TACC2: variants seen among roughly 807,000 people sequenced by gnomAD.
TACC2 encodes the protein transforming acidic coiled-coil-containing protein 2.
In TACC2, 137 loss-of-function variants were observed where a neutral mutation model predicts 227.3. The ratio of observed to expected loss-of-function variants is 0.60; its 90% confidence interval spans 0.52 to 0.69. TACC2 has a LOEUF of 0.69. TACC2 is among the 30% of genes least tolerant of loss of function. The pLI, the probability that TACC2 is intolerant of heterozygous loss-of-function variation, is 0.00. For missense variants in TACC2, 3,470 were observed against 3,694.4 expected, an observed-to-expected ratio of 0.94 and a Z score of 1.57; for synonymous variants, 1,523 against 1,487.5, an observed-to-expected ratio of 1.02 and a Z score of -0.55.
In TACC2 at chr10:122,249,284, C is replaced by A. The variant is rs572336146; in HGVS notation, c.8660+128C>A. ...GGGGGCATCATCCAAGTGTGTGTTT[C>A]AATAAGACTCGAGAGAAGGCACACA... On this transcript the variant is annotated intron_variant, in intron 21 of 22. Coordinates refer to ENST00000369005, the MANE Select transcript of TACC2 (RefSeq NM_206862.4). The A allele has an allele frequency of 1.5e-5, 11 of 753,714 alleles. No homozygotes were observed. In the African/African-American group the frequency reaches 1.6e-4, roughly 11 times the overall value. 46.7% of individuals were successfully genotyped at this position (753,714 alleles called of 1,614,324 possible). A position where few individuals can be genotyped will look rare whatever the true frequency, so the allele number is the denominator to read the frequency against.
At chr10:122,229,273 C>T in intron 14 of TACC2, 73 bp from the exon 15 acceptor site, 2 of 1,574,918 alleles carry the variant, frequency 1.3e-6, no homozygotes, top group Non-Finnish European at 1.7e-6. Flanking sequence ...CTGCATGGCC[C>T]TTGCTTGGAA....
chr10:122,146,931 GT>G (rs1330390684), intron 7 of TACC2, among the ~76,000 whole-genome samples: 1 of 152,072 alleles, frequency 6.6e-6, no homozygotes, highest in Non-Finnish European at 1.5e-5. Context: ...AGGAGTTCTG[GT>G]TGGGTATTTA....
At position 122,216,619 on chromosome 10, in the gene TACC2, C is replaced by G. The variant is rs764589209; in HGVS notation, c.7345-8C>G. 1 of 1,612,274 alleles carries G rather than the reference C, an allele frequency of 6.2e-7. No homozygotes were observed. Among genetic ancestry groups the G allele is most frequent in the Non-Finnish European group, 8.5e-7 (1 of 1,179,130 alleles). On this transcript the variant is annotated splice_polypyrimidine_tract_variant and splice_region_variant and intron_variant, in intron 10 of 22. Transcript: ENST00000369005. ...TGAGACAAGAAACAGTTTCTCTTCT[C>G]TTTGCAGGACCCCACCCCAGCTGCT...
At chr10:122,008,418 G>A (rs1300696070) in intron 1 of TACC2, among the ~76,000 whole-genome samples, 7 of 149,492 alleles carry the variant, frequency 4.7e-5, no homozygotes, top group Non-Finnish European at 7.4e-5. Flanking sequence ...GTGCCACCAG[G>A]CCTGGCTAAT....
Position 122,039,554 on chromosome 10 carries a change from G to A in TACC2, c.34-10884G>A, listed in dbSNP as rs2073994747. Among the ~76,000 whole-genome samples, 4 of 152,182 alleles carry A rather than the reference G, an allele frequency of 2.6e-5. No homozygotes were observed. The South Asian group carries it at 8.3e-4, about 32-fold the overall frequency. ...GAGATGTGGGGTTGGGGGACAACAA[G>A]TGCCTGGGAGGACTGGGCCTTCAGG... On this transcript the variant is annotated intron_variant, in intron 2 of 22. Transcript: ENST00000369005.
chr10:122,151,411 T>A (rs1411083425), intron 7 of TACC2, among the ~76,000 whole-genome samples: 2 of 151,774 alleles, frequency 1.3e-5, no homozygotes, highest in African/African-American at 2.4e-5. Flanking sequence ...GTGCCAAAGC[T>A]TGGGGTGTGG....
intron 3 of TACC2, among the ~76,000 whole-genome samples, chr10:122,058,203 AT>A (rs1473815177): frequency 6.6e-6 from 1 of 152,160 alleles, no homozygotes; most frequent in Admixed American, 6.5e-5. Flanking sequence ...TTTGCTTACT[AT>A]GCATGCACGC....
At chr10:122,155,657 G>C (rs918148712) in intron 7 of TACC2, among the ~76,000 whole-genome samples, 3 of 151,864 alleles carry the variant, frequency 2.0e-5, no homozygotes, top group Non-Finnish European at 4.4e-5. Context: ...GATTTTATTT[G>C]GCCACGTGTC....
Position 122,107,823 on chromosome 10 carries a change from AC to A in TACC2, c.5573+19238del, listed in dbSNP as rs971610490. On this transcript the variant is annotated intron_variant, in intron 5 of 22. Coordinates refer to ENST00000369005, the MANE Select transcript of TACC2 (RefSeq NM_206862.4). Reference sequence around the variant, plus strand: ...ACCCAGTGTGTAGTCTATATCCCTCACCCCCCTCCCACCCTTTCCCCCAAGA... The same window carrying A: ...ACCCAGTGTGTAGTCTATATCCCTCACCCCCTCCCACCCTTTCCCCCAAGA... Among the ~76,000 whole-genome samples, 13 of 130,468 alleles carry A rather than the reference AC, an allele frequency of 1.0e-4. No individual in the cohort carries two copies. The East Asian group carries it at 1.6e-3, about 16-fold the overall frequency. The allele number at this position is 130,468 out of a possible 152,430, so 85.6% of individuals were successfully genotyped here. A position where few individuals can be genotyped will look rare whatever the true frequency, so the allele number is the denominator to read the frequency against.
At chr10:122,227,806 A>G in intron 13 of TACC2, 31 bp from the exon 14 acceptor site, 2 of 1,591,868 alleles carry the variant, frequency 1.3e-6, no homozygotes, top group South Asian at 1.1e-5. Flanking sequence ...CAATGAGAAG[A>G]CTAAAGAAAG....
chr10:122,133,632 G>A (rs1396126865), intron 6 of TACC2, among the ~76,000 whole-genome samples: 5 of 152,178 alleles, frequency 3.3e-5, no homozygotes, highest in African/African-American at 1.2e-4. Flanking sequence ...GGGAAGCCAT[G>A]GTGAATAGGC....
chr10:122,095,388 C>T (rs994962030), intron 5 of TACC2, among the ~76,000 whole-genome samples: 1 of 152,202 alleles, frequency 6.6e-6, no homozygotes, highest in Non-Finnish European at 1.5e-5. Flanking sequence ...TACTCCCTTA[C>T]AGCGCTGTTA....
chr10:122,042,146 C>T lies in TACC2; in HGVS notation c.34-8292C>T, dbSNP rs369130673. ...ATTTTTAGTAGAGACGGGGTTTCAC[C>T]GTGTTAGCCAGGATGGTCTCAATCT... On this transcript the variant is annotated intron_variant, in intron 2 of 22. Coordinates refer to ENST00000369005, the MANE Select transcript of TACC2 (RefSeq NM_206862.4). Among the ~76,000 whole-genome samples the T allele has an allele frequency of 2.1e-4, 32 of 152,238 alleles. No homozygotes were observed. The South Asian group carries it at 4.6e-3, about 22-fold the overall frequency.
chr10:122,202,672 T>C (rs1281303576), intron 8 of TACC2, among the ~76,000 whole-genome samples: 8 of 147,622 alleles, frequency 5.4e-5, no homozygotes, highest in African/African-American at 2.0e-4. Context: ...TTCTTTTTTT[T>C]TTTTTAATTG....
In TACC2 at chr10:122,132,822, C is replaced by T. The variant is rs1052637524; in HGVS notation, c.5699+88C>T. 2.8e-6 allele frequency: 4 copies of T among 1,411,396 alleles called. No individual in the cohort carries two copies. The African/African-American group carries it at 5.7e-5, about 20-fold the overall frequency. The allele number at this position is 1,411,396 out of a possible 1,614,324, so 87.4% of individuals were successfully genotyped here. ...CCCCGCTCCCCTCCCTTCCCCTCCC[C>T]TCCTCTCTTTTCTCCTGCAGTTTCA... On this transcript the variant is annotated intron_variant, in intron 6 of 22. Transcript: ENST00000369005.
intron 2 of TACC2, among the ~76,000 whole-genome samples, chr10:122,029,501 A>C (rs1958659436): frequency 6.6e-6 from 1 of 152,184 alleles, no homozygotes; most frequent in Non-Finnish European, 1.5e-5. Context: ...TAGTAGCCTC[A>C]CAAAATGAGT....
rs752835692 is a variant in TACC2, at chr10:122,210,554, T to C, written c.6129T>C (p.Ile2043=). The stretch of plus-strand genomic sequence containing the variant: ...CTTACAACTTGGACTTTGACAACAT[T>C]GAGCTTGTGGATACCTTTCAGACCT... The part of the protein sequence containing the change: ...SGTYNLDFDN[I]ELVDTFQTLE... Residue 2043 remains isoleucine (I), a synonymous_variant, in exon 9 of 23, where the codon ATT becomes ATC. Coordinates refer to ENST00000369005, the MANE Select transcript of TACC2 (RefSeq NM_206862.4). The surrounding 1 kb of genome is among the most constrained non-coding windows in gnomAD (Gnocchi z 4.6). 8 of 1,613,750 alleles carry C rather than the reference T, an allele frequency of 5.0e-6. No individual in the cohort carries two copies. Among genetic ancestry groups the C allele is most frequent in the Non-Finnish European group, 6.8e-6 (8 of 1,179,822 alleles).
At chr10:122,073,120 A>AAT (rs1565212715) in intron 3 of TACC2, among the ~76,000 whole-genome samples, 4 of 74,754 alleles carry the variant, frequency 5.4e-5, no homozygotes, top group Non-Finnish European at 1.1e-4. Context: ...AAAAAAAAAA[A>AAT]AAAAAAATAT....
At chr10:122,139,351 G>C (rs530754862) in intron 6 of TACC2, among the ~76,000 whole-genome samples, 71 of 152,320 alleles carry the variant, frequency 4.7e-4, no homozygotes, top group African/African-American at 1.7e-3. Flanking sequence ...TGAACTGGCT[G>C]GTGCTCGAAT....
Sources: gnomAD v4.1 joint callset for allele counts (sites outside exome capture counted in the v4.1 genomes callset) on GRCh38, gnomAD v4.1.1 for gene constraint, Gnocchi (gnomAD v3.1) non-coding constraint, MANE v1.5 for transcripts, NCBI Gene and HGNC (gene_info 2026-07-23, HGNC 2026-07-21) for gene names.